Variants in GNAS observed in about 807,000 individuals in gnomAD.
The protein encoded by GNAS is GNAS complex locus, also known as protein ALEX.
In GNAS, 8 loss-of-function variants were observed where a neutral mutation model predicts 54.5. That is an observed-to-expected ratio of 0.15 (90% CI 0.09 to 0.26). GNAS has a LOEUF of 0.26. Ranked by LOEUF, GNAS falls within the 10% of genes least tolerant of loss-of-function variation. The pLI is 1.00. For synonymous variants in GNAS, 204 were observed against 191.4 expected, an observed-to-expected ratio of 1.07 and a Z score of -0.54; for missense variants, 170 against 529.8, an observed-to-expected ratio of 0.32 and a Z score of 6.67.
intron 1 of GNAS, among the ~76,000 whole-genome samples, chr20:58,868,075 A>G (rs11697466): frequency 1.5e-4 from 22 of 146,976 alleles, no homozygotes; most frequent in Admixed American, 8.9e-4. Context: ...GGCTGGAGTG[A>G]AGTGGCATGA....
upstream of GNAS, chr20:58,840,305 G>A: frequency 6.2e-7 from 1 of 1,612,636 alleles, no homozygotes; most frequent in Non-Finnish European, 8.5e-7. This position sits in a 1 kb window ranked among gnomAD's most constrained non-coding sequence, Gnocchi z 6.0. Flanking sequence ...CTTCCTTAAC[G>A]CCCACCACCG....
chr20:58,883,997 T>A (rs1025750662), intron 1 of GNAS, among the ~76,000 whole-genome samples: 3 of 152,258 alleles, frequency 2.0e-5, no homozygotes, highest in Non-Finnish European at 4.4e-5. Context: ...GAATTAAATG[T>A]GTGACTAATT....
At chr20:58,843,349 G>T (rs553893189) in intron 1 of GNAS, 1 of 152,088 alleles carries the variant, frequency 6.6e-6, no homozygotes, top group Non-Finnish European at 1.5e-5. Flanking sequence ...TCCCTGAGAA[G>T]ACAGGATTTT....
chr20:58,891,546 C>T lies in GNAS; in HGVS notation c.-181C>T, dbSNP rs2089312293. ...GGTCCGACCGACACCCTCCCCTTCC[C>T]GCCCGTCCGCGCGCCCCGCGGCCCG... On this transcript the variant is annotated 5_prime_UTR_variant, in exon 1 of 13. Coordinates refer to ENST00000371085, the MANE Select transcript of GNAS (RefSeq NM_000516.7). 1.0e-6 allele frequency: 1 copy of T among 972,880 alleles called. No individual in the cohort carries two copies. Among genetic ancestry groups the T allele is most frequent in the African/African-American group, 1.8e-5 (1 of 56,262 alleles). 60.3% of individuals were successfully genotyped at this position (972,880 alleles called of 1,614,324 possible). A position where few individuals can be genotyped will look rare whatever the true frequency, so the allele number is the denominator to read the frequency against.
At chr20:58,867,725 C>T (rs1055867783) in intron 1 of GNAS, among the ~76,000 whole-genome samples, 8 of 152,324 alleles carry the variant, frequency 5.3e-5, no homozygotes, top group African/African-American at 1.4e-4. Flanking sequence ...ATTGACAAGG[C>T]CCCATTTAGG....
rs187566315 is a variant in GNAS, at chr20:58,841,894, C to T, written c.43+1008C>T. 1.4e-4 allele frequency: 168 copies of T among 1,231,014 alleles called. No individual in the cohort carries two copies. The African/African-American group carries it at 1.7e-3, about 13-fold the overall frequency. The allele number at this position is 1,231,014 out of a possible 1,614,324, so 76.3% of individuals were successfully genotyped here. A position where few individuals can be genotyped will look rare whatever the true frequency, so the allele number is the denominator to read the frequency against. Reference sequence around the variant, plus strand: ...TGGAAAGGTAAAGCGGAACAAGGGACAGGCTGGAGACGGGGGTCGCGTCTA... The same window carrying T: ...TGGAAAGGTAAAGCGGAACAAGGGATAGGCTGGAGACGGGGGTCGCGTCTA... On this transcript the variant is annotated intron_variant, in intron 1 of 12. Coordinates refer to the GNAS transcript ENST00000306090. This position sits in a 1 kb window ranked among gnomAD's most constrained non-coding sequence, Gnocchi z 5.0.
upstream of GNAS, chr20:58,889,431 A>C: frequency 1.1e-6 from 1 of 932,498 alleles, no homozygotes; most frequent in Non-Finnish European, 1.3e-6. Context: ...GTCCGGGACA[A>C]GGCAGGGGCG....
Position 58,859,628 on chromosome 20 carries a change from C to CT in GNAS, c.43+18758dup, listed in dbSNP as rs527301154. Among the ~76,000 whole-genome samples the CT allele has an allele frequency of 5.2e-3, 723 of 138,768 alleles. 2 individuals carry two copies. The highest frequency in any genetic ancestry group is 8.4e-3 in the South Asian group (36 of 4,298). 91.0% of individuals were successfully genotyped at this position (138,768 alleles called of 152,430 possible). ...AAGCTCAGAGATTAAATATCAGACA[C>CT]TTTTTTTTTTTTTTTTGAGAAGGAG... On this transcript the variant is annotated intron_variant, in intron 1 of 12. Transcript: ENST00000306090.
intron 1 of GNAS, among the ~76,000 whole-genome samples, chr20:58,871,745 GAAAAGAAAGGAAAAGAA>G (rs1432447351): frequency 6.6e-6 from 1 of 150,974 alleles, no homozygotes; most frequent in African/African-American, 2.4e-5. Context: ...GGGGAGAAAA[GAAAAGAAAGGAAAAGAA>G]AAAAGAGAAG....
At chr20:58,889,057 G>C (rs1459204353), upstream of GNAS, 6 of 1,010,820 alleles carry the variant, frequency 5.9e-6, no homozygotes, top group African/African-American at 8.7e-5. Flanking sequence ...GTGCGTCCCC[G>C]GTGGGCCGAT....
chr20:58,861,563 C>T (rs866553419), intron 1 of GNAS, among the ~76,000 whole-genome samples: 1 of 152,154 alleles, frequency 6.6e-6, no homozygotes, highest in Non-Finnish European at 1.5e-5. Context: ...TGGACCTGAG[C>T]CTCTCTTTGG....
upstream of GNAS, among the ~76,000 whole-genome samples, chr20:58,887,437 A>C (rs2088666415): frequency 6.6e-6 from 1 of 152,184 alleles, no homozygotes; most frequent in African/African-American, 2.4e-5. Context: ...AGCGGTTCTA[A>C]TTTAGGTGGT....
chr20:58,891,790 G>A lies in GNAS; in HGVS notation c.64G>A (p.Ala22Thr). 1 of 1,286,966 alleles carries A rather than the reference G, an allele frequency of 7.8e-7. No individual in the cohort carries two copies. Among genetic ancestry groups the A allele is most frequent in the Non-Finnish European group, 1.0e-6 (1 of 977,136 alleles). 79.7% of individuals were successfully genotyped at this position (1,286,966 alleles called of 1,614,324 possible). ...CAACGAGGAGAAGGCGCAGCGTGAG[G>A]CCAACAAAAAGATCGAGAAGCAGCT... ...QRNEEKAQREANKKIEKQLQK... is the reference protein window; with the variant it reads ...QRNEEKAQRETNKKIEKQLQK... Residue 22 changes from alanine (A) to threonine (T), a missense_variant, in exon 1 of 13, where the codon GCC (alanine) becomes ACC (threonine). Physicochemically the swap from Ala to Thr is moderately conservative, Grantham distance 58 (BLOSUM62 0). Coordinates refer to ENST00000371085, the MANE Select transcript of GNAS (RefSeq NM_000516.7).
chr20:58,903,452 T>C, intron 3 of GNAS, 79 bp from the exon 4 acceptor site: 2 of 1,155,702 alleles, frequency 1.7e-6, no homozygotes, highest in Non-Finnish European at 1.3e-6. Context: ...TGCTTTTTAG[T>C]CGGGATGTCT....
intron 3 of GNAS, among the ~76,000 whole-genome samples, chr20:58,902,048 A>AT (rs1308737935): frequency 1.4e-4 from 21 of 152,016 alleles, no homozygotes; most frequent in Admixed American, 4.6e-4. Flanking sequence ...AAAGATTAAA[A>AT]AATATATATA....
intron 1 of GNAS, chr20:58,854,723 T>G (rs531114135): frequency 1.3e-6 from 2 of 1,534,728 alleles, no homozygotes; most frequent in South Asian, 2.4e-5. Flanking sequence ...GGGCAGCCCA[T>G]GTCGCCCCAG....
At chr20:58,886,927 T>G (rs2088630506), upstream of GNAS, among the ~76,000 whole-genome samples, 1 of 152,230 alleles carries the variant, frequency 6.6e-6, no homozygotes, top group African/African-American at 2.4e-5. Flanking sequence ...CTTAAAAAAT[T>G]TTTGTTTTGA....
chr20:58,903,286 T>C, intron 3 of GNAS: 1 of 603,010 alleles, frequency 1.7e-6, no homozygotes, highest in Non-Finnish European at 3.0e-6. Context: ...CAACTTCTGG[T>C]ACAGTCATGA....
At chr20:58,854,987 T>TGACTCCAGCGGAGAC in intron 1 of GNAS, 1 of 1,612,508 alleles carries the variant, frequency 6.2e-7, no homozygotes, top group Non-Finnish European at 8.5e-7. Flanking sequence ...GCAGCGACGA[T>TGACTCCAGCGGAGAC]GACTCCAGCG....
Sources: gnomAD v4.1 joint callset for allele counts (sites outside exome capture counted in the v4.1 genomes callset) on GRCh38, gnomAD v4.1.1 for gene constraint, Gnocchi (gnomAD v3.1) non-coding constraint, MANE v1.5 for transcripts, NCBI Gene and HGNC (gene_info 2026-07-23, HGNC 2026-07-21) for gene names.